Variants in SPECC1 observed in about 807,000 individuals in gnomAD.
The protein encoded by SPECC1 is sperm antigen with calponin homology and coiled-coil domains 1.
In SPECC1, 62 loss-of-function variants were observed where a neutral mutation model predicts 104.1. The ratio of observed to expected loss-of-function variants is 0.60; its 90% CI spans 0.49 to 0.74. The LOEUF is 0.74. Among genes scored for constraint, SPECC1 ranks in the 30% least tolerant of loss-of-function variants. The probability of loss-of-function intolerance (pLI) is 0.00; values close to 1 mark genes in which losing one functional copy is unlikely to be tolerated. For synonymous variants in SPECC1, 513 were observed against 501.6 expected (o/e 1.02, Z -0.30); for missense variants, 1,306 against 1,310.5 (o/e 1.00, Z 0.05).
At chr17:20,220,794 A>G (rs1428122901) in intron 4 of SPECC1, among the ~76,000 whole-genome samples, 2 of 152,050 alleles carry the variant, frequency 1.3e-5, no homozygotes, top group African/African-American at 2.4e-5. Context: ...TTCTCCATTC[A>G]TATGATACTA....
chr17:20,211,929 T>C (rs1487298877), intron 4 of SPECC1, among the ~76,000 whole-genome samples: 2 of 152,204 alleles, frequency 1.3e-5, no homozygotes, highest in Non-Finnish European at 2.9e-5. Flanking sequence ...TCAGGACTCA[T>C]CTGCGAACCT....
intron 3 of SPECC1, among the ~76,000 whole-genome samples, chr17:20,137,033 A>G (rs1436340956): frequency 6.6e-6 from 1 of 152,268 alleles, no homozygotes; most frequent in Non-Finnish European, 1.5e-5. Flanking sequence ...CAAAGCTGAA[A>G]GAGCATCCAG....
chr17:20,243,879 T>C lies in SPECC1; in HGVS notation c.2352-2047T>C, dbSNP rs2039307967. Among the ~76,000 whole-genome samples the C allele has an allele frequency of 2.0e-5, 3 of 152,216 alleles. No individual in the cohort carries two copies. In the South Asian group the frequency reaches 6.2e-4, roughly 32 times the overall value. ...GAAATGTAAAATGAATTATTTAAAA[T>C]GATTGTCCTTGGGGGCCTTTGGTAC... On this transcript the variant is annotated intron_variant, in intron 7 of 14. Coordinates refer to ENST00000395527, the MANE Select transcript of SPECC1 (RefSeq NM_001243439.2).
intron 1 of SPECC1, among the ~76,000 whole-genome samples, chr17:20,033,265 G>A (rs1252597140): frequency 6.6e-6 from 1 of 151,846 alleles, no homozygotes; most frequent in Non-Finnish European, 1.5e-5. Context: ...TGTCCGGCCT[G>A]TATATATATA....
chr17:20,118,035 G>C (rs2048847244), intron 3 of SPECC1, among the ~76,000 whole-genome samples: 1 of 152,052 alleles, frequency 6.6e-6, no homozygotes, highest in African/African-American at 2.4e-5. Context: ...AACCTGGGAA[G>C]TGAAGGTTGC....
chr17:20,124,614 T>C (rs576196535), intron 3 of SPECC1, among the ~76,000 whole-genome samples: 39 of 152,308 alleles, frequency 2.6e-4, no homozygotes, highest in African/African-American at 9.4e-4. Context: ...TCAGATTCGG[T>C]ATAGATGCTC....
intron 1 of SPECC1, among the ~76,000 whole-genome samples, chr17:20,077,340 C>G (rs1295878366): frequency 6.6e-6 from 1 of 152,050 alleles, no homozygotes; most frequent in Non-Finnish European, 1.5e-5. Flanking sequence ...TTATGATTTT[C>G]TCTTTTTATA....
chr17:20,109,169 T>C (rs968715210), intron 2 of SPECC1, among the ~76,000 whole-genome samples: 2 of 152,168 alleles, frequency 1.3e-5, no homozygotes, highest in Non-Finnish European at 2.9e-5. Context: ...CTTTAAAAAA[T>C]TGTGCAAATA....
intron 3 of SPECC1, among the ~76,000 whole-genome samples, chr17:20,181,478 T>G (rs1404411730): frequency 6.6e-6 from 1 of 152,142 alleles, no homozygotes. Context: ...TGCAGCAATA[T>G]TTGTGAAACT....
intron 3 of SPECC1, among the ~76,000 whole-genome samples, chr17:20,155,025 T>C (rs931370520): frequency 6.6e-6 from 1 of 152,148 alleles, no homozygotes; most frequent in Non-Finnish European, 1.5e-5. Context: ...CAAATGAGTC[T>C]GGAGTTAGAA....
At chr17:20,019,191 A>G (rs1205142620) in intron 1 of SPECC1, among the ~76,000 whole-genome samples, 1 of 151,780 alleles carries the variant, frequency 6.6e-6, no homozygotes, top group African/African-American at 2.4e-5. Context: ...AGCCTGGCCA[A>G]TACAGAAGAC....
At chr17:20,238,050 G>A (rs2039017268) in intron 7 of SPECC1, 41 of 1,022,824 alleles carry the variant, frequency 4.0e-5, no homozygotes, top group Non-Finnish European at 4.8e-5. Flanking sequence ...CCCCTTCTGT[G>A]GGGTCTTGAT....
In SPECC1 at chr17:20,247,274, G is replaced by T. The variant is rs774643982; in HGVS notation, c.2553G>T (p.Gly851=). The T allele has an allele frequency of 6.2e-7, 1 of 1,613,720 alleles. No homozygotes were observed. Among genetic ancestry groups the T allele is most frequent in the Non-Finnish European group, 8.5e-7 (1 of 1,179,890 alleles). Residue 851 remains glycine, a synonymous_variant, in exon 9 of 15, where the codon GGG becomes GGT. Coordinates refer to ENST00000395527, the MANE Select transcript of SPECC1 (RefSeq NM_001243439.2). Reference sequence around the variant, plus strand: ...AGACCCCCAGAAGTCCCCTAAGTGGGATACCAGTGAGGACTGCTCCAGCAG... The same window carrying T: ...AGACCCCCAGAAGTCCCCTAAGTGGTATACCAGTGAGGACTGCTCCAGCAG... The part of the protein sequence containing the change: ...VHKTPRSPLS[G]IPVRTAPAAA...
chr17:20,186,882 T>C (rs1431711574), intron 3 of SPECC1, among the ~76,000 whole-genome samples: 1 of 152,120 alleles, frequency 6.6e-6, no homozygotes, highest in African/African-American at 2.4e-5. Flanking sequence ...CCAATTTTTG[T>C]TTTTAATTGT....
At position 20,315,933 on chromosome 17, in the gene SPECC1, C is replaced by G. The variant is rs1281016491; in HGVS notation, c.*1868C>G. The G allele has an allele frequency of 4.3e-6, 1 of 232,602 alleles. No homozygotes were observed. The highest frequency in any genetic ancestry group is 2.2e-5 in the African/African-American group (1 of 45,312). The allele number at this position is 232,602 out of a possible 1,614,324, so 14.4% of individuals were successfully genotyped here. ...CTGGAATGGGACCAGAGATGCAGTT[C>G]ACATGTTTTGTAAGTTCTTTAGGCG... On this transcript the variant is annotated 3_prime_UTR_variant, in exon 15 of 15. Transcript: ENST00000395527.
At chr17:20,296,517 T>A (rs2041355886) in intron 12 of SPECC1, among the ~76,000 whole-genome samples, 1 of 152,200 alleles carries the variant, frequency 6.6e-6, no homozygotes, top group Non-Finnish European at 1.5e-5. Flanking sequence ...CATTTTTGGT[T>A]CCATATGAAC....
chr17:20,313,601 C>A (rs2041987221), intron 14 of SPECC1, among the ~76,000 whole-genome samples: 1 of 152,190 alleles, frequency 6.6e-6, no homozygotes, highest in African/African-American at 2.4e-5. Context: ...ATAGCGCGTG[C>A]AGTGTGCTGG....
chr17:20,316,595 C>CTGA lies in SPECC1; in HGVS notation c.*2533_*2535dup, dbSNP rs1465556362. 1.6e-5 allele frequency: 3 copies of CTGA among 184,990 alleles called. No homozygotes were observed. Among genetic ancestry groups the CTGA allele is most frequent in the African/African-American group, 7.0e-5 (3 of 42,570 alleles). 11.5% of individuals were successfully genotyped at this position (184,990 alleles called of 1,614,324 possible). ...TGTTGGCCCGGCTGGTCTCGAACTC[C>CTGA]TGATGGCAAGGTGATCTGCCTGCCT... On this transcript the variant is annotated 3_prime_UTR_variant, in exon 15 of 15. Transcript: ENST00000395527.
At chr17:20,132,596 A>G (rs543705791) in intron 3 of SPECC1, among the ~76,000 whole-genome samples, 132 of 150,800 alleles carry the variant, frequency 8.8e-4, no homozygotes, top group Non-Finnish European at 1.5e-3. Context: ...AAAAAATTTC[A>G]AATTCAAATT....
Sources: gnomAD v4.1 joint callset for allele counts (sites outside exome capture counted in the v4.1 genomes callset) on GRCh38, gnomAD v4.1.1 for gene constraint, MANE v1.5 for transcripts, NCBI Gene and HGNC (gene_info 2026-07-23, HGNC 2026-07-21) for gene names.